The following NUP205 variants were observed in gnomAD, a reference collection of about 807,000 sequenced individuals.
NUP205 encodes the protein nucleoporin 205, also known as nuclear pore complex protein Nup205.
A neutral mutation model predicts 253.8 loss-of-function variants in NUP205; 76 were observed. The ratio of observed to expected loss-of-function variants is 0.30; its 90% CI spans 0.25 to 0.36. The LOEUF (loss-of-function observed/expected upper bound fraction) is 0.36. NUP205 is among the 10% of genes least tolerant of loss of function. The pLI is 1.00. For missense variants in NUP205, 2,162 were observed against 2,425.5 expected (o/e 0.89, Z 2.28); for synonymous variants, 832 against 850.1 (o/e 0.98, Z 0.37).
At chr7:135,561,330 C>T (rs892239740) in intron 1 of NUP205, among the ~76,000 whole-genome samples, 5 of 152,056 alleles carry the variant, frequency 3.3e-5, no homozygotes, top group African/African-American at 4.8e-5. Context: ...GGCAACAGAG[C>T]GAGACTCTGT....
chr7:135,634,464 T>G (rs1291695750), intron 35 of NUP205, among the ~76,000 whole-genome samples: 1 of 152,046 alleles, frequency 6.6e-6, no homozygotes, highest in Non-Finnish European at 1.5e-5. Flanking sequence ...TAGCGTTAGG[T>G]GCAAAATCAA....
intron 18 of NUP205, 57 bp from the exon 19 acceptor site, chr7:135,604,283 A>G: frequency 1.3e-6 from 2 of 1,506,024 alleles, no homozygotes; most frequent in Non-Finnish European, 1.8e-6. Context: ...TTTATTGAGA[A>G]TAGTGAGACA....
chr7:135,613,375 A>G (rs1046832698), intron 22 of NUP205, among the ~76,000 whole-genome samples: 1 of 151,004 alleles, frequency 6.6e-6, no homozygotes, highest in Admixed American at 6.6e-5. Context: ...TTAAATTTTT[A>G]TTCAGTTTAT....
intron 31 of NUP205, among the ~76,000 whole-genome samples, chr7:135,624,172 T>A (rs1794532615): frequency 1.3e-5 from 2 of 152,088 alleles, no homozygotes; most frequent in African/African-American, 2.4e-5. Flanking sequence ...TGAACTGTAT[T>A]TATCAGATTG....
chr7:135,570,885 TTA>T (rs1805977984), intron 1 of NUP205, among the ~76,000 whole-genome samples: 1 of 122,496 alleles, frequency 8.2e-6, no homozygotes, highest in South Asian at 2.2e-4. Context: ...ATGTAATATA[TTA>T]TATATTATAT....
chr7:135,607,440 G>C, intron 22 of NUP205, 69 bp downstream of exon 22: 2 of 1,533,112 alleles, frequency 1.3e-6, no homozygotes, highest in Non-Finnish European at 1.8e-6. Context: ...GTACGCCACA[G>C]ATATGACAGT....
intron 7 of NUP205, among the ~76,000 whole-genome samples, chr7:135,581,156 A>G (rs1806293055): frequency 6.6e-6 from 1 of 152,192 alleles, no homozygotes; most frequent in Non-Finnish European, 1.5e-5. Flanking sequence ...AATCCAGACA[A>G]GTTTTAACGA....
chr7:135,564,035 C>T lies in NUP205; in HGVS notation c.28+6063C>T, dbSNP rs1227442489. ...TTACTGAAATTGGTCAAACTCAAGACAGATTGAAGATAACTCTTTGTTGCG... is the reference window on the plus strand; with the variant it reads ...TTACTGAAATTGGTCAAACTCAAGATAGATTGAAGATAACTCTTTGTTGCG... On this transcript the variant is annotated intron_variant, in intron 1 of 42. Coordinates refer to ENST00000285968, the MANE Select transcript of NUP205 (RefSeq NM_015135.3). 2.6e-5 allele frequency among the ~76,000 whole-genome samples: 4 copies of T among 151,764 alleles called. No individual in the cohort carries two copies. In the South Asian group the frequency reaches 6.2e-4, roughly 24 times the overall value.
At chr7:135,607,101 C>T (rs1794102210) in intron 21 of NUP205, 146 bp from the exon 22 acceptor site, 1 of 1,180,294 alleles carries the variant, frequency 8.5e-7, no homozygotes, top group Admixed American at 2.6e-5. Context: ...AGAGAATCAG[C>T]CTTTATCAAT....
chr7:135,559,260 A>G (rs1005596555), intron 1 of NUP205, among the ~76,000 whole-genome samples: 1 of 152,268 alleles, frequency 6.6e-6, no homozygotes, highest in African/African-American at 2.4e-5. Flanking sequence ...TATATATTAG[A>G]AGGTTAGTAA....
At chr7:135,603,710 A>T (rs55701034) in intron 18 of NUP205, among the ~76,000 whole-genome samples, 2 of 151,448 alleles carry the variant, frequency 1.3e-5, no homozygotes, top group Non-Finnish European at 2.9e-5. Context: ...GGCTTTCACC[A>T]TATTGGCCAG....
chr7:135,580,496 C>A (rs1489399344), intron 7 of NUP205, among the ~76,000 whole-genome samples: 1 of 152,062 alleles, frequency 6.6e-6, no homozygotes, highest in Admixed American at 6.6e-5. Flanking sequence ...GATGGAGTCT[C>A]GTTCTGTTGC....
At chr7:135,578,700 A>G (rs1308307623) in intron 6 of NUP205, 51 bp from the exon 7 acceptor site, 3 of 1,331,930 alleles carry the variant, frequency 2.3e-6, no homozygotes, top group South Asian at 2.8e-5. Context: ...GTGTATCAGA[A>G]GTGAGAATTT....
intron 42 of NUP205, among the ~76,000 whole-genome samples, chr7:135,646,648 A>C (rs1458970142): frequency 1.3e-5 from 2 of 152,220 alleles, no homozygotes; most frequent in Admixed American, 1.3e-4. Context: ...TAAAAAGGAA[A>C]GCCTGGTATG....
Position 135,593,660 on chromosome 7 carries a change from T to A in NUP205, c.1830+468T>A, listed in dbSNP as rs150791505. Among the ~76,000 whole-genome samples, 357 of 152,328 alleles carry A rather than the reference T, an allele frequency of 2.3e-3. 2 individuals are homozygous for A. Among genetic ancestry groups the A allele is most frequent in the African/African-American group, 8.0e-3 (334 of 41,584 alleles). On this transcript the variant is annotated intron_variant, in intron 12 of 42. Transcript: ENST00000285968. ...TCATGACTGTATATAATTTCCCAACTCAGAAATATCTTTTAGTTATGTCTG... is the reference window on the plus strand; with the variant it reads ...TCATGACTGTATATAATTTCCCAACACAGAAATATCTTTTAGTTATGTCTG...
rs1794687732 is a variant in NUP205 at position 135,630,462 on chromosome 7, C to A, written c.5051C>A (p.Ala1684Glu). Residue 1684 changes from alanine to glutamate, a missense_variant, in exon 35 of 43, where the codon GCA becomes GAA. Coordinates refer to ENST00000285968, the MANE Select transcript of NUP205 (RefSeq NM_015135.3). ...CTGACAGGAATTATAAGTAAAGCAG[C>A]ACTTCCTGGTGAGTTGATTATGTTG... is the stretch of plus-strand genomic sequence containing the variant. The part of the protein sequence containing the change: ...ALLTGIISKA[A>E]LPGILSELDV... The A allele has an allele frequency of 5.6e-6, 9 of 1,603,298 alleles. No homozygotes were observed. Among genetic ancestry groups the A allele is most frequent in the Non-Finnish European group, 7.7e-6 (9 of 1,174,882 alleles).
intron 3 of NUP205, among the ~76,000 whole-genome samples, 171 bp downstream of exon 3, chr7:135,573,996 A>G (rs546786205): frequency 4.5e-4 from 69 of 152,086 alleles, no homozygotes; most frequent in African/African-American, 1.3e-3. Flanking sequence ...TTTTTGAGAC[A>G]GAGTCTCGCT....
chr7:135,626,414 G>T, intron 33 of NUP205, 53 bp downstream of exon 33: 1 of 1,556,178 alleles, frequency 6.4e-7, no homozygotes, highest in East Asian at 2.3e-5. Flanking sequence ...GGATTATTAA[G>T]GGAAGAAAAA....
At chr7:135,606,075 T>A in intron 19 of NUP205, 70 bp from the exon 20 acceptor site, 1 of 1,004,586 alleles carries the variant, frequency 1.0e-6, no homozygotes, top group East Asian at 2.4e-5. Context: ...TTTACATATA[T>A]CAATCATAGT....
Sources: gnomAD v4.1 joint callset for allele counts (sites outside exome capture counted in the v4.1 genomes callset) on GRCh38, gnomAD v4.1.1 for gene constraint, MANE v1.5 for transcripts, NCBI Gene and HGNC (gene_info 2026-07-23, HGNC 2026-07-21) for gene names.